CCDC154: variants seen among roughly 807,000 people sequenced by gnomAD.
CCDC154 encodes coiled-coil domain containing 154, also known as coiled-coil domain-containing protein 154.
In CCDC154, 91 loss-of-function variants were observed where a neutral mutation model predicts 87.5. The ratio of observed to expected loss-of-function variants is 1.04; its 90% CI spans 0.88 to 1.24. The LOEUF is 1.24. Ranked by LOEUF, CCDC154 falls within the 50% of genes most tolerant of loss-of-function variation. CCDC154 has a pLI of 0.00. For missense variants in CCDC154, 903 were observed against 879.2 expected, an observed-to-expected ratio of 1.03 and a Z score of -0.34; for synonymous variants, 418 against 400.4, an observed-to-expected ratio of 1.04 and a Z score of -0.52.
intron 6 of CCDC154, chr16:1,439,376 A>G (rs973447327): frequency 9.5e-6 from 5 of 524,366 alleles, no homozygotes; most frequent in African/African-American, 1.9e-5. Flanking sequence ...GTCCAGACAC[A>G]CTTGGCACCC....
At chr16:1,442,704 T>C (rs576304432) in intron 5 of CCDC154, among the ~76,000 whole-genome samples, 175 bp from the exon 6 acceptor site, 7 of 152,326 alleles carry the variant, frequency 4.6e-5, no homozygotes, top group Admixed American at 1.3e-4. Flanking sequence ...TGCGAGTCTC[T>C]TCCCCACAGA....
rs908425172 is a variant in CCDC154 at position 1,434,501 on chromosome 16, G to C, written c.1911C>G (p.Leu637=). Residue 637 remains leucine (L), a synonymous_variant, in exon 17 of 17, where the codon CTC becomes CTG. Coordinates refer to ENST00000389176, the MANE Select transcript of CCDC154 (RefSeq NM_001143980.3). ...CCCCTCCTGGCCTCCGCAGGGCCCT[G>C]AGCTTTATGAGGGACGCCTTCCAGC... ...WLRWKASLIK[L]RALRRPGGVL... The C allele has an allele frequency of 2.7e-5, 42 of 1,549,114 alleles. No individual in the cohort carries two copies. The highest frequency in any genetic ancestry group is 3.7e-5 in the Non-Finnish European group (42 of 1,146,592).
intron 13 of CCDC154, 26 bp from the exon 14 acceptor site, chr16:1,436,112 G>A (rs1596202634): frequency 2.0e-6 from 3 of 1,537,902 alleles, no homozygotes; most frequent in Admixed American, 2.0e-5. Context: ...GCCGAGGCTG[G>A]CTGTCGGGTG....
chr16:1,440,467 G>A (rs1024312952), intron 6 of CCDC154, among the ~76,000 whole-genome samples: 1 of 148,558 alleles, frequency 6.7e-6, no homozygotes. Context: ...AAAAGAGAAG[G>A]GAAGAGAAGA....
At chr16:1,440,667 C>T (rs1488614692) in intron 6 of CCDC154, among the ~76,000 whole-genome samples, 61 of 151,060 alleles carry the variant, frequency 4.0e-4, no homozygotes, top group Admixed American at 3.8e-3. Context: ...ATTAGCCAGG[C>T]GGGCTGGGCG....
chr16:1,435,320 G>C, intron 14 of CCDC154, 145 bp from the exon 15 acceptor site: 1 of 720,796 alleles, frequency 1.4e-6, no homozygotes, highest in Non-Finnish European at 2.4e-6. Context: ...CCCCACTGCA[G>C]GGCCCAGGAC....
Position 1,443,941 on chromosome 16 carries a change from C to A in CCDC154, c.79G>T (p.Gly27Trp). The A allele has an allele frequency of 7.7e-7, 1 of 1,303,818 alleles. No individual in the cohort carries two copies. The allele number at this position is 1,303,818 out of a possible 1,614,324, so 80.8% of individuals were successfully genotyped here. A position where few individuals can be genotyped will look rare whatever the true frequency, so the allele number is the denominator to read the frequency against. The stretch of plus-strand genomic sequence containing the variant: ...GCCAGGCCTCCTGCCAGGAGGAGCC[C>A]CAGGTCTTCCAGGGTGACGGCTCTC... Reference protein sequence around the residue: ...QLRAVTLEDLGLLLAGGLASP... With the variant: ...QLRAVTLEDLWLLLAGGLASP... The change falls in exon 2 of 17, where the codon GGG becomes TGG. Residue 27 changes from glycine to tryptophan, a missense_variant. Coordinates refer to ENST00000389176, the MANE Select transcript of CCDC154 (RefSeq NM_001143980.3).
rs557519511 is a variant in CCDC154 at position 1,437,813 on chromosome 16, G to A, written c.1290+4C>T. Reference sequence around the variant, plus strand: ...CGCCTGCCCCCGCCCGCTGCCTGGCGCACCTCGGACAGCCTGAGGCCCAGC... The same window carrying A: ...CGCCTGCCCCCGCCCGCTGCCTGGCACACCTCGGACAGCCTGAGGCCCAGC... On this transcript the variant is annotated splice_donor_region_variant and intron_variant, in intron 11 of 16. Transcript: ENST00000389176. The A allele has an allele frequency of 2.3e-4, 349 of 1,525,538 alleles. No individual in the cohort carries two copies. Among genetic ancestry groups the A allele is most frequent in the African/African-American group, 2.3e-3 (165 of 72,868 alleles). The allele number at this position is 1,525,538 out of a possible 1,614,324, so 94.5% of individuals were successfully genotyped here. A position where few individuals can be genotyped will look rare whatever the true frequency, so the allele number is the denominator to read the frequency against.
chr16:1,435,047 G>A lies in CCDC154; in HGVS notation c.1692+42C>T, dbSNP rs368588419. 80 of 1,525,342 alleles carry A rather than the reference G, an allele frequency of 5.2e-5. No individual in the cohort carries two copies. In the East Asian group the frequency reaches 6.4e-4, roughly 12 times the overall value. The allele number at this position is 1,525,342 out of a possible 1,614,324, so 94.5% of individuals were successfully genotyped here. A position where few individuals can be genotyped will look rare whatever the true frequency, so the allele number is the denominator to read the frequency against. On this transcript the variant is annotated intron_variant, in intron 15 of 16. Transcript: ENST00000389176. Reference sequence around the variant, plus strand: ...GGGGAGGCGGCAGGGCTGAGGGAGCGGGTGGGAGCTGGGCGGTGCCGGCCG... The same window carrying A: ...GGGGAGGCGGCAGGGCTGAGGGAGCAGGTGGGAGCTGGGCGGTGCCGGCCG...
At chr16:1,443,049 G>A (rs1481064489) in intron 4 of CCDC154, 74 bp from the exon 5 acceptor site, 2 of 1,516,814 alleles carry the variant, frequency 1.3e-6, no homozygotes, top group East Asian at 4.9e-5. Flanking sequence ...GTCTGGCCAA[G>A]GGGCCCCTGT....
At chr16:1,438,523 G>A in intron 9 of CCDC154, 96 bp downstream of exon 9, 3 of 1,174,924 alleles carry the variant, frequency 2.6e-6, no homozygotes, top group Non-Finnish European at 3.7e-6. Flanking sequence ...GGGGAGGCAA[G>A]GTCATTCCCT....
chr16:1,438,306 G>C (rs1393919617), intron 9 of CCDC154, 130 bp from the exon 10 acceptor site: 1 of 1,179,862 alleles, frequency 8.5e-7, no homozygotes, highest in African/African-American at 1.6e-5. Context: ...ATGGGGTGCG[G>C]TCACAGTGCC....
chr16:1,438,458 G>T (rs1285768389), intron 9 of CCDC154, 161 bp downstream of exon 9: 17 of 757,708 alleles, frequency 2.2e-5, no homozygotes, highest in Non-Finnish European at 1.7e-5. Context: ...CCCCACAGGA[G>T]GGAGGAGGGT....
At chr16:1,437,640 C>G in intron 11 of CCDC154, 177 bp downstream of exon 11, 1 of 750,096 alleles carries the variant, frequency 1.3e-6, no homozygotes, top group Non-Finnish European at 2.0e-6. Context: ...CTGTCCTGCC[C>G]CACACAGGAG....
rs1187054454 is a variant in CCDC154 at position 1,444,522 on chromosome 16, C to T, written c.-200G>A. On this transcript the variant is annotated 5_prime_UTR_variant, in exon 1 of 17. Transcript: ENST00000389176. ...CCCCAGGGAGGCAGGTGTGGGGCAG[C>T]GGGGCCGTTCCAGAACCTTCCTTCT... 4.3e-5 allele frequency: 17 copies of T among 391,984 alleles called. No homozygotes were observed. Among genetic ancestry groups the T allele is most frequent in the Admixed American group, 4.0e-4 (10 of 24,778 alleles). 24.3% of individuals were successfully genotyped at this position (391,984 alleles called of 1,614,324 possible).
At chr16:1,440,588 C>T (rs896448487) in intron 6 of CCDC154, among the ~76,000 whole-genome samples, 3 of 151,996 alleles carry the variant, frequency 2.0e-5, no homozygotes, top group Non-Finnish European at 2.9e-5. Context: ...AGGAGGATCA[C>T]TTGAGCCCAG....
At chr16:1,437,409 C>G (rs917824654) in intron 11 of CCDC154, 21 of 195,186 alleles carry the variant, frequency 1.1e-4, no homozygotes, top group Non-Finnish European at 1.6e-4. Flanking sequence ...AGGATGAATG[C>G]TCTGAAACTG....
In CCDC154 at chr16:1,443,626, C is replaced by T; in HGVS notation, c.294G>A (p.Arg98=). The change falls in exon 3 of 17, where the codon CGG becomes CGA. Residue 98 remains arginine, a synonymous_variant. Transcript: ENST00000389176. Reference sequence around the variant, plus strand: ...CCTGGAGCAGCTCCCGCAGCAGGCTCCGCGTGGCGCGCTCACAGCGCTGCT... The same window carrying T: ...CCTGGAGCAGCTCCCGCAGCAGGCTTCGCGTGGCGCGCTCACAGCGCTGCT... ...EHKQRCERAT[R]SLLRELLQVR... 1 of 1,391,158 alleles carries T rather than the reference C, an allele frequency of 7.2e-7. No individual in the cohort carries two copies. The highest frequency in any genetic ancestry group is 9.4e-7 in the Non-Finnish European group (1 of 1,060,160). 86.2% of individuals were successfully genotyped at this position (1,391,158 alleles called of 1,614,324 possible).
rs1272575853 is a variant in CCDC154, at chr16:1,434,478, C to A, written c.1934G>T (p.Gly645Val). 1 of 1,549,962 alleles carries A rather than the reference C, an allele frequency of 6.5e-7. No individual in the cohort carries two copies. Among genetic ancestry groups the A allele is most frequent in the South Asian group, 1.2e-5 (1 of 84,056 alleles). ...CTGGCTGTGGGGCTTCTCCAGGACC[C>A]CTCCTGGCCTCCGCAGGGCCCTGAG... ...IKLRALRRPGGVLEKPHSQEQ... is the reference protein window; with the variant it reads ...IKLRALRRPGVVLEKPHSQEQ... The change falls in exon 17 of 17, where the codon GGG becomes GTG. Residue 645 changes from glycine to valine, a missense_variant. Coordinates refer to ENST00000389176, the MANE Select transcript of CCDC154 (RefSeq NM_001143980.3).
Sources: gnomAD v4.1 joint callset for allele counts (sites outside exome capture counted in the v4.1 genomes callset) on GRCh38, gnomAD v4.1.1 for gene constraint, MANE v1.5 for transcripts, NCBI Gene and HGNC (gene_info 2026-07-23, HGNC 2026-07-21) for gene names.